FBN2: variants seen among roughly 807,000 people sequenced by gnomAD.
The protein encoded by FBN2 is fibrillin 2.
A neutral mutation model predicts 355.6 loss-of-function variants in FBN2; 105 were observed. That is an observed-to-expected ratio of 0.30 (90% CI 0.25 to 0.35). FBN2 has a LOEUF of 0.35. Ranked by LOEUF, FBN2 falls within the 10% of genes least tolerant of loss-of-function variation. The pLI, the probability that FBN2 is intolerant of heterozygous loss-of-function variation, is 1.00. For synonymous variants in FBN2, 1,350 were observed against 1,301.2 expected, an observed-to-expected ratio of 1.04 and a Z score of -0.81; for missense variants, 3,280 against 3,758.7, an observed-to-expected ratio of 0.87 and a Z score of 3.33.
rs762730300 is a variant in FBN2, at chr5:128,278,806, G to T, written c.7174C>A (p.Gln2392Lys). 1.6e-5 allele frequency: 26 copies of T among 1,613,956 alleles called. No individual in the cohort carries two copies. Among genetic ancestry groups the T allele is most frequent in the Non-Finnish European group, 2.1e-5 (25 of 1,179,946 alleles). ...RQGLCFAEVL[Q>K]TICQMASSSR... ...CTGGATGCCATTTGACATATTGTCT[G>T]CAGTACCTCTGCAAAGCAGAGACCC... The change falls in exon 57 of 65, where the codon CAG becomes AAG. Residue 2392 changes from glutamine (Q) to lysine (K), a missense_variant. Coordinates refer to ENST00000262464, the MANE Select transcript of FBN2 (RefSeq NM_001999.4).
Position 128,312,706 on chromosome 5 carries a change from G to A in FBN2, c.4807C>T (p.Arg1603Cys). 1.2e-6 allele frequency: 2 copies of A among 1,613,428 alleles called. No individual in the cohort carries two copies. Among genetic ancestry groups the A allele is most frequent in the East Asian group, 2.2e-5 (1 of 44,820 alleles). ...CCCAGAGAGCAGCAGCATGAAGAGC[G>A]ACTGACGCCCACCCCGATCTCGGTG... ...CNTEIGVGVS[R>C]SSCCCSLGKA... Residue 1603 changes from arginine (R) to cysteine (C), a missense_variant, in exon 37 of 65, where the codon CGC becomes TGC. By Grantham distance (180) the Arg-to-Cys change is radical. Around this residue, in one of 6 missense-constraint regions of FBN2, gnomAD observed 2,284 missense variants for 2,749.5 expected, o/e 0.83. Coordinates refer to ENST00000262464, the MANE Select transcript of FBN2 (RefSeq NM_001999.4).
chr5:128,422,798 T>C (rs1437257000), intron 7 of FBN2, among the ~76,000 whole-genome samples: 3 of 152,184 alleles, frequency 2.0e-5, no homozygotes, highest in Admixed American at 6.6e-5. Context: ...AAGAATCACA[T>C]GGACAGCTTA....
At chr5:128,351,150 A>G in intron 20 of FBN2, 145 bp from the exon 21 acceptor site, 2 of 959,926 alleles carry the variant, frequency 2.1e-6, no homozygotes, top group Non-Finnish European at 3.2e-6. Context: ...TGGGAGGCTG[A>G]GGAGGAAGGA....
chr5:128,328,424 A>T, intron 34 of FBN2: 1 of 604,430 alleles, frequency 1.7e-6, no homozygotes, highest in African/African-American at 1.8e-5. Context: ...AGTGATAAAA[A>T]AGAGAAAGAA....
chr5:128,437,819 T>TAGACAGACAGAC lies in FBN2; in HGVS notation c.952+8650_952+8661dup, dbSNP rs71575718. ...ATAGATAGATAGATAGATAGATAGATAGACAGACAGACAGACAGAAAGACA... is the reference window on the plus strand; with the variant it reads ...ATAGATAGATAGATAGATAGATAGATAGACAGACAGACAGACAGACAGACAGACAGAAAGACA... On this transcript the variant is annotated intron_variant, in intron 7 of 64. Transcript: ENST00000262464. Among the ~76,000 whole-genome samples, 656 of 108,060 alleles carry TAGACAGACAGAC rather than the reference T, an allele frequency of 6.1e-3. 2 individuals are homozygous for TAGACAGACAGAC. Among genetic ancestry groups the TAGACAGACAGAC allele is most frequent in the African/African-American group, 0.021 (620 of 30,078 alleles). 70.9% of individuals were successfully genotyped at this position (108,060 alleles called of 152,430 possible).
At chr5:128,284,518 A>T (rs192436907) in intron 55 of FBN2, among the ~76,000 whole-genome samples, 1 of 152,316 alleles carries the variant, frequency 6.6e-6, no homozygotes, top group Admixed American at 6.5e-5. Flanking sequence ...ATCTTTGAAC[A>T]ATTTTCTCCA....
intron 7 of FBN2, among the ~76,000 whole-genome samples, chr5:128,423,127 G>A (rs1206202926): frequency 6.7e-6 from 1 of 149,004 alleles, no homozygotes; most frequent in Admixed American, 6.6e-5. Flanking sequence ...AGAGAAAGGG[G>A]CCAGGAAAGA....
chr5:128,475,582 A>G (rs2127099865), intron 5 of FBN2, among the ~76,000 whole-genome samples: 1 of 152,270 alleles, frequency 6.6e-6, no homozygotes, highest in East Asian at 1.9e-4. Context: ...AAAATATCCT[A>G]AGTTTAAATG....
chr5:128,518,997 A>G (rs939843267), intron 5 of FBN2, among the ~76,000 whole-genome samples: 2 of 152,142 alleles, frequency 1.3e-5, no homozygotes, highest in Admixed American at 1.3e-4. Flanking sequence ...AATTAAGCAC[A>G]TTATTAGAAT....
At chr5:128,384,342 C>T (rs1325623464) in intron 11 of FBN2, among the ~76,000 whole-genome samples, 1 of 151,866 alleles carries the variant, frequency 6.6e-6, no homozygotes, top group Non-Finnish European at 1.5e-5. Context: ...CAAAAGTAAG[C>T]CTTATGAGGG....
intron 5 of FBN2, among the ~76,000 whole-genome samples, chr5:128,481,552 T>C (rs1755188788): frequency 6.6e-6 from 1 of 152,078 alleles, no homozygotes; most frequent in East Asian, 1.9e-4. Flanking sequence ...CCCAGTTGAG[T>C]GTCCACATGT....
At chr5:128,483,295 C>T (rs1176716855) in intron 5 of FBN2, among the ~76,000 whole-genome samples, 1 of 151,998 alleles carries the variant, frequency 6.6e-6, no homozygotes, top group African/African-American at 2.4e-5. Flanking sequence ...CACATGTACC[C>T]CCTGAATCTA....
chr5:128,508,876 G>C (rs1400929521), intron 5 of FBN2, among the ~76,000 whole-genome samples: 1 of 151,992 alleles, frequency 6.6e-6, no homozygotes, highest in Non-Finnish European at 1.5e-5. Flanking sequence ...AGCCTAGACA[G>C]AGAATTGTCT....
In FBN2 at chr5:128,328,652, T is replaced by A. The variant is rs1750616912; in HGVS notation, c.4471+44A>T. ...GCCCTTGTTGTGGTTTCATTTACTGTGGTTGATCCAACTTGAAAATGAGTT... is the reference window on the plus strand; with the variant it reads ...GCCCTTGTTGTGGTTTCATTTACTGAGGTTGATCCAACTTGAAAATGAGTT... On this transcript the variant is annotated intron_variant, in intron 34 of 64. Coordinates refer to ENST00000262464, the MANE Select transcript of FBN2 (RefSeq NM_001999.4). The A allele has an allele frequency of 6.8e-6, 11 of 1,610,388 alleles. No homozygotes were observed. In the East Asian group the frequency reaches 2.5e-4, roughly 36 times the overall value.
At chr5:128,370,812 A>G (rs918081189) in intron 15 of FBN2, among the ~76,000 whole-genome samples, 2 of 152,128 alleles carry the variant, frequency 1.3e-5, no homozygotes, top group Non-Finnish European at 2.9e-5. Flanking sequence ...GGTAGTTTGC[A>G]TTACAGGTGA....
At chr5:128,452,590 TG>T (rs1369199318) in intron 6 of FBN2, among the ~76,000 whole-genome samples, 2 of 152,164 alleles carry the variant, frequency 1.3e-5, no homozygotes, top group Non-Finnish European at 2.9e-5. Context: ...CATATAAAAA[TG>T]GTTCATTTAA....
intron 10 of FBN2, among the ~76,000 whole-genome samples, chr5:128,392,508 T>C (rs894056702): frequency 1.3e-4 from 20 of 152,226 alleles, no homozygotes; most frequent in Non-Finnish European, 2.9e-5. Context: ...AACATAACAC[T>C]GTAGGACATC....
At position 128,390,384 on chromosome 5, in the gene FBN2, T is replaced by A. The variant is rs76363185; in HGVS notation, c.1603+1634A>T. On this transcript the variant is annotated intron_variant, in intron 11 of 64. Transcript: ENST00000262464. ...TAAGATGCTATTTACTTTTTTTTTT[T>A]AATCATGTTAACATTTTCTCTGATG... Among the ~76,000 whole-genome samples, 36 of 152,034 alleles carry A rather than the reference T, an allele frequency of 2.4e-4. 1 individual carries two copies. Among genetic ancestry groups the A allele is most frequent in the South Asian group, 4.2e-4 (2 of 4,816 alleles).
rs768601544 is a variant in FBN2, at chr5:128,300,879, A to G, written c.6104T>C (p.Leu2035Ser). Residue 2035 changes from leucine to serine, a missense_variant, in exon 48 of 65, where the codon TTG (leucine) becomes TCG (serine). Around this residue, in one of 6 missense-constraint regions of FBN2, gnomAD observed 2,284 missense variants for 2,749.5 expected, o/e 0.83. Transcript: ENST00000262464. ...ACAGATGCATCTGAAGGATCCCTCC[A>G]AATTCTGACAGGTACCAGGAGAGCA... The part of the protein sequence containing the change: ...GSCSPGTCQN[L>S]EGSFRCICPP... 1 of 1,613,964 alleles carries G rather than the reference A, an allele frequency of 6.2e-7. No individual in the cohort carries two copies. Among genetic ancestry groups the G allele is most frequent in the South Asian group, 1.1e-5 (1 of 91,078 alleles).
Sources: allele counts gnomAD v4.1 joint callset (sites outside exome capture counted in the v4.1 genomes callset), GRCh38; gene constraint gnomAD v4.1.1; regional missense constraint gnomAD v4.1.1; transcripts MANE v1.5; gene names NCBI Gene and HGNC (gene_info 2026-07-23, HGNC 2026-07-21).